The following OR2C1 variants were observed in gnomAD, a reference collection of about 807,000 sequenced individuals.
The protein encoded by OR2C1 is olfactory receptor 2C1.
For synonymous variants in OR2C1, 209 were observed against 167.3 expected (o/e 1.25, Z -1.92); for missense variants, 468 against 388.3 (o/e 1.21, Z -1.73).
chr16:3,353,043 C>G (rs1283003371), upstream of OR2C1, among the ~76,000 whole-genome samples: 3 of 151,792 alleles, frequency 2.0e-5, no homozygotes, highest in Admixed American at 6.6e-5. Context: ...GCGCCCGGCC[C>G]TGTCTATTTC....
At chr16:3,335,320 T>G in the OR2C1 span, among the ~76,000 whole-genome samples, 6 of 152,318 alleles carry the variant, frequency 3.9e-5, no homozygotes, top group South Asian at 1.2e-3. Flanking sequence ...GTATGGAATA[T>G]GTTTCCATTT....
At chr16:3,331,930 C>A in the OR2C1 span, among the ~76,000 whole-genome samples, 1 of 151,840 alleles carries the variant, frequency 6.6e-6, no homozygotes, top group Non-Finnish European at 1.5e-5. Flanking sequence ...TTTGTAGGGA[C>A]ATGGATGAAA....
the OR2C1 span, among the ~76,000 whole-genome samples, chr16:3,345,441 G>T: frequency 0.54 from 82,151 of 150,944 alleles, 22,576 homozygotes; most frequent in East Asian, 0.76. Flanking sequence ...AACGGAGATC[G>T]CAGCACTGCA....
chr16:3,343,503 A>T, the OR2C1 span, among the ~76,000 whole-genome samples: 1 of 152,172 alleles, frequency 6.6e-6, no homozygotes. Context: ...TGTGATCCTA[A>T]CACTTTGGGA....
chr16:3,333,789 A>G, the OR2C1 span, among the ~76,000 whole-genome samples: 1 of 152,192 alleles, frequency 6.6e-6, no homozygotes, highest in East Asian at 1.9e-4. Flanking sequence ...GTCCTGGAGC[A>G]TTTTCCCCAT....
At chr16:3,336,970 A>G in the OR2C1 span, among the ~76,000 whole-genome samples, 1 of 151,626 alleles carries the variant, frequency 6.6e-6, no homozygotes, top group Non-Finnish European at 1.5e-5. Flanking sequence ...GGCCTCCCAA[A>G]GTGCTGGGAT....
the OR2C1 span, chr16:3,323,879 A>C: frequency 7.4e-7 from 1 of 1,353,272 alleles, no homozygotes; most frequent in Non-Finnish European, 1.0e-6. Flanking sequence ...CTTTTTCAGG[A>C]GATTTTCTGG....
the OR2C1 span, among the ~76,000 whole-genome samples, chr16:3,328,691 T>A: frequency 6.6e-6 from 1 of 152,056 alleles, no homozygotes; most frequent in Non-Finnish European, 1.5e-5. Flanking sequence ...TCCCAACAAC[T>A]CTCTTGAAAA....
At chr16:3,328,565 C>T in the OR2C1 span, among the ~76,000 whole-genome samples, 2 of 152,162 alleles carry the variant, frequency 1.3e-5, no homozygotes. Context: ...GCACCTGTCT[C>T]CTGGGAGGAC....
the OR2C1 span, among the ~76,000 whole-genome samples, chr16:3,346,877 C>T: frequency 6.6e-6 from 1 of 151,126 alleles, no homozygotes; most frequent in Non-Finnish European, 1.5e-5. Flanking sequence ...AGTGATCTGC[C>T]CACCTCAGGC....
At chr16:3,345,748 C>A in the OR2C1 span, among the ~76,000 whole-genome samples, 1 of 150,012 alleles carries the variant, frequency 6.7e-6, no homozygotes, top group Admixed American at 6.7e-5. Context: ...TCTCTTTCTT[C>A]CTCTCTCTCG....
chr16:3,334,239 G>A, the OR2C1 span, among the ~76,000 whole-genome samples: 1 of 151,468 alleles, frequency 6.6e-6, no homozygotes, highest in African/African-American at 2.4e-5. Flanking sequence ...CCGGGTTCCA[G>A]TGATTCTCCC....
At chr16:3,323,808 C>A in the OR2C1 span, 11 of 906,758 alleles carry the variant, frequency 1.2e-5, no homozygotes, top group African/African-American at 1.8e-4. Context: ...TTCCGCTGCT[C>A]CTTCTTTGCC....
At chr16:3,348,286 G>A in the OR2C1 span, among the ~76,000 whole-genome samples, 6 of 152,142 alleles carry the variant, frequency 3.9e-5, no homozygotes, top group African/African-American at 1.4e-4. Flanking sequence ...GACCAATGAT[G>A]ACAGTGAGCA....
the OR2C1 span, among the ~76,000 whole-genome samples, chr16:3,345,626 AG>A: frequency 4.5e-3 from 681 of 152,308 alleles, 7 homozygotes; most frequent in Non-Finnish European, 5.1e-3. Flanking sequence ...ACATATCCAA[AG>A]AATTACATAT....
chr16:3,328,659 G>T, the OR2C1 span, among the ~76,000 whole-genome samples: 3 of 152,164 alleles, frequency 2.0e-5, no homozygotes, highest in Admixed American at 6.5e-5. Context: ...TTGGGGTTCT[G>T]TGCTCACCCT....
chr16:3,356,002 C>T lies in OR2C1; in HGVS notation c.62C>T (p.Pro21Leu). The part of the protein sequence containing the change: ...GFVLMGISDH[P>L]QLEMIFFIAI... ...GTTCTGATGGGCATATCAGACCATC[C>T]CCAGCTGGAGATGATCTTTTTTATA... Residue 21 changes from proline (P) to leucine (L), a missense_variant, in exon 1 of 1, where the codon CCC becomes CTC. Physicochemically the swap from Pro to Leu is moderately conservative, Grantham distance 98 (BLOSUM62 -3). Transcript: ENST00000304936. 1.2e-6 allele frequency: 2 copies of T among 1,613,766 alleles called. No homozygotes were observed. The highest frequency in any genetic ancestry group is 2.7e-5 in the African/African-American group (2 of 75,002).
At chr16:3,334,670 T>C in the OR2C1 span, among the ~76,000 whole-genome samples, 2 of 151,380 alleles carry the variant, frequency 1.3e-5, no homozygotes, top group Non-Finnish European at 2.9e-5. Context: ...TTGTTGAAAA[T>C]GAGTTGGTTA....
At chr16:3,332,588 T>G in the OR2C1 span, among the ~76,000 whole-genome samples, 1 of 152,114 alleles carries the variant, frequency 6.6e-6, no homozygotes, top group East Asian at 1.9e-4. Context: ...CACATGTGAG[T>G]GAAAACGTGT....
Sources: gnomAD v4.1 joint callset for allele counts (sites outside exome capture counted in the v4.1 genomes callset) on GRCh38, gnomAD v4.1.1 for gene constraint, MANE v1.5 for transcripts, NCBI Gene and HGNC (gene_info 2026-07-23, HGNC 2026-07-21) for gene names.